Variants in CNTN4 observed in about 807,000 individuals in gnomAD.
CNTN4 encodes contactin 4, also known as contactin-4.
CNTN4 carries 77 observed loss-of-function variants against 122.5 expected under a neutral mutation model. The ratio of observed to expected loss-of-function variants is 0.63; its 90% CI spans 0.52 to 0.76. The LOEUF is 0.76. CNTN4 is among the 30% of genes least tolerant of loss of function. The probability of loss-of-function intolerance (pLI) is 0.00; values close to 1 mark genes in which losing one functional copy is unlikely to be tolerated. For synonymous variants in CNTN4, 512 were observed against 447.0 expected (o/e 1.15, Z -1.83); for missense variants, 1,256 against 1,259.1 (o/e 1.00, Z 0.04).
chr3:2,428,129 T>G (rs556472811), intron 3 of CNTN4, among the ~76,000 whole-genome samples: 14 of 152,312 alleles, frequency 9.2e-5, no homozygotes, highest in Admixed American at 8.5e-4. Flanking sequence ...GTTAGCTGGT[T>G]ATTTTGCTGA....
chr3:2,948,663 G>A (rs2094704618), intron 13 of CNTN4, among the ~76,000 whole-genome samples: 1 of 151,984 alleles, frequency 6.6e-6, no homozygotes, highest in African/African-American at 2.4e-5. Context: ...CTCATTTGGT[G>A]GCAAAACCAA....
intron 4 of CNTN4, among the ~76,000 whole-genome samples, chr3:2,649,490 A>C (rs1004699767): frequency 1.2e-4 from 19 of 152,192 alleles, no homozygotes; most frequent in African/African-American, 4.3e-4. Context: ...CCTGGATAAC[A>C]GTACATCTGT....
intron 3 of CNTN4, among the ~76,000 whole-genome samples, chr3:2,495,584 G>A (rs1004666776): frequency 6.6e-6 from 1 of 152,214 alleles, no homozygotes; most frequent in South Asian, 2.1e-4. Context: ...AGGCGAGCGA[G>A]CATTACCTCC....
At chr3:2,551,517 T>A (rs985704858) in intron 3 of CNTN4, among the ~76,000 whole-genome samples, 2 of 152,110 alleles carry the variant, frequency 1.3e-5, no homozygotes, top group Non-Finnish European at 1.5e-5. Context: ...TATGTTAGGA[T>A]GGGAGTGAAT....
chr3:2,363,510 A>G (rs1392032428), intron 3 of CNTN4, among the ~76,000 whole-genome samples: 1 of 152,156 alleles, frequency 6.6e-6, no homozygotes, highest in African/African-American at 2.4e-5. Context: ...TATATGTCTC[A>G]TTTTTAAGCT....
chr3:2,747,569 A>G (rs1282438202), intron 6 of CNTN4, among the ~76,000 whole-genome samples: 1 of 152,326 alleles, frequency 6.6e-6, no homozygotes, highest in Non-Finnish European at 1.5e-5. Flanking sequence ...AGAATCTCAT[A>G]TTCAAGGACA....
intron 3 of CNTN4, among the ~76,000 whole-genome samples, chr3:2,558,535 C>G (rs1205573179): frequency 6.6e-6 from 1 of 152,052 alleles, no homozygotes; most frequent in Admixed American, 6.5e-5. Flanking sequence ...TATTATGTCC[C>G]TCTCAGTGCA....
intron 2 of CNTN4, among the ~76,000 whole-genome samples, chr3:2,201,912 ACTTAT>A (rs1286620573): frequency 1.3e-5 from 2 of 152,120 alleles, no homozygotes; most frequent in East Asian, 3.9e-4. Context: ...AAAAAATCTT[ACTTAT>A]CTTCTTTTCC....
At chr3:2,580,499 T>C (rs950400268) in intron 4 of CNTN4, among the ~76,000 whole-genome samples, 1 of 152,216 alleles carries the variant, frequency 6.6e-6, no homozygotes, top group Non-Finnish European at 1.5e-5. Context: ...AATGTTACTG[T>C]ACTGGAATAT....
chr3:2,898,517 C>G (rs1421728544), intron 10 of CNTN4, among the ~76,000 whole-genome samples: 11 of 152,178 alleles, frequency 7.2e-5, no homozygotes, highest in Admixed American at 5.2e-4. Flanking sequence ...TCAAAATTCT[C>G]TCCAGTCCCT....
At chr3:2,779,303 G>A (rs1211753378) in intron 6 of CNTN4, among the ~76,000 whole-genome samples, 1 of 152,156 alleles carries the variant, frequency 6.6e-6, no homozygotes, top group Admixed American at 6.5e-5. Context: ...GGGTCACTCT[G>A]TCGCCCAGGC....
rs567847336 is a variant in CNTN4 at position 2,791,148 on chromosome 3, T to A, written c.359-28338T>A. On this transcript the variant is annotated intron_variant, in intron 6 of 24. Coordinates refer to ENST00000418658, the MANE Select transcript of CNTN4 (RefSeq NM_175607.3). ...GAGATTATTAAAATGAGTTTTATCA[T>A]GTAACTCACAAGATTACTGTAAGGA... 2.6e-5 allele frequency among the ~76,000 whole-genome samples: 4 copies of A among 152,332 alleles called. No individual in the cohort carries two copies. The East Asian group carries it at 7.7e-4, about 29-fold the overall frequency.
intron 2 of CNTN4, among the ~76,000 whole-genome samples, chr3:2,184,287 G>C (rs1360312105): frequency 4.6e-5 from 7 of 152,118 alleles, no homozygotes; most frequent in Non-Finnish European, 5.9e-5. Flanking sequence ...ACACCAGCCT[G>C]AAATTTTCAT....
At chr3:2,279,530 A>G (rs1185033523) in intron 2 of CNTN4, among the ~76,000 whole-genome samples, 1 of 152,220 alleles carries the variant, frequency 6.6e-6, no homozygotes, top group Non-Finnish European at 1.5e-5. Context: ...GGTCTCTTCA[A>G]CAAGTCACTG....
chr3:2,254,113 C>G (rs867722331), intron 2 of CNTN4, among the ~76,000 whole-genome samples: 1 of 142,444 alleles, frequency 7.0e-6, no homozygotes, highest in South Asian at 2.5e-4. Context: ...TAGTTCAACT[C>G]CCACTTATGA....
At chr3:2,119,348 A>G (rs2033571935) in intron 2 of CNTN4, among the ~76,000 whole-genome samples, 1 of 152,178 alleles carries the variant, frequency 6.6e-6, no homozygotes, top group Non-Finnish European at 1.5e-5. Flanking sequence ...GTTTCTGTGG[A>G]GAACCCTGAC....
intron 10 of CNTN4, among the ~76,000 whole-genome samples, chr3:2,888,574 A>T (rs1325406583): frequency 6.6e-6 from 1 of 152,258 alleles, no homozygotes; most frequent in South Asian, 2.1e-4. Flanking sequence ...GAACCCATGA[A>T]GGGTTGCACA....
intron 13 of CNTN4, among the ~76,000 whole-genome samples, chr3:2,936,832 G>A (rs532596547): frequency 2.0e-5 from 3 of 152,124 alleles, no homozygotes; most frequent in Non-Finnish European, 2.9e-5. Flanking sequence ...TTTGTGACAC[G>A]TAAAAATTAT....
chr3:2,736,411 C>T lies in CNTN4; in HGVS notation c.182+70C>T. 1.6e-6 allele frequency: 2 copies of T among 1,257,712 alleles called. 1 individual carries two copies. Among genetic ancestry groups the T allele is most frequent in the South Asian group, 2.5e-5 (2 of 78,982 alleles). The allele number at this position is 1,257,712 out of a possible 1,614,324, so 77.9% of individuals were successfully genotyped here. A position where few individuals can be genotyped will look rare whatever the true frequency, so the allele number is the denominator to read the frequency against. Reference sequence around the variant, plus strand: ...TTATTAAAATCAACAAATACTTATACAATGCTGGTTACATAAAGAGCTTTT... The same window carrying T: ...TTATTAAAATCAACAAATACTTATATAATGCTGGTTACATAAAGAGCTTTT... On this transcript the variant is annotated intron_variant, in intron 5 of 24. Transcript: ENST00000418658.
Sources: gnomAD v4.1 joint callset for allele counts (sites outside exome capture counted in the v4.1 genomes callset) on GRCh38, gnomAD v4.1.1 for gene constraint, MANE v1.5 for transcripts, NCBI Gene and HGNC (gene_info 2026-07-23, HGNC 2026-07-21) for gene names.